Variants in MARVELD3 observed in about 807,000 individuals in gnomAD.
MARVELD3 encodes the protein MARVEL domain containing 3.
In MARVELD3, 28 loss-of-function variants were observed where a neutral mutation model predicts 33.5. That is an observed-to-expected ratio of 0.84 (90% confidence interval 0.62 to 1.15). MARVELD3 has a LOEUF of 1.15. Among genes scored for constraint, MARVELD3 ranks in the 50% most tolerant of loss-of-function variants. The pLI, the probability that MARVELD3 is intolerant of heterozygous loss-of-function variation, is 0.00. For synonymous variants in MARVELD3, 241 were observed against 230.4 expected (o/e 1.05, Z -0.42); for missense variants, 582 against 547.6 (o/e 1.06, Z -0.63).
Position 71,626,961 on chromosome 16 carries a change from G to C in MARVELD3, c.467+265G>C. ...GGCTGGAGGACCTGGAGAAGAGAAA[G>C]AGAGGCCCCGGGACCCGAGAGGGAG... On this transcript the variant is annotated intron_variant, in intron 1 of 2. Transcript: ENST00000268485. This position sits in a 1 kb window ranked among gnomAD's most constrained non-coding sequence, Gnocchi z 5.3. The C allele has an allele frequency of 2.5e-6, 1 of 407,858 alleles. No individual in the cohort carries two copies. Among genetic ancestry groups the C allele is most frequent in the Non-Finnish European group, 4.3e-6 (1 of 234,438 alleles). 25.3% of individuals were successfully genotyped at this position (407,858 alleles called of 1,614,324 possible). A position where few individuals can be genotyped will look rare whatever the true frequency, so the allele number is the denominator to read the frequency against.
downstream of MARVELD3, among the ~76,000 whole-genome samples, chr16:71,637,432 G>GAT (rs1433261118): frequency 2.0e-5 from 3 of 152,206 alleles, no homozygotes; most frequent in Non-Finnish European, 4.4e-5. Flanking sequence ...GAATTAAAAT[G>GAT]ATGTCTGGGT....
downstream of MARVELD3, chr16:71,638,651 T>G (rs1300139747): frequency 6.6e-6 from 1 of 152,190 alleles, no homozygotes. Context: ...TTGCAAGAAG[T>G]CACAAAAACA....
intron 2 of MARVELD3, among the ~76,000 whole-genome samples, chr16:71,633,487 G>A (rs1164776134): frequency 2.6e-5 from 4 of 152,018 alleles, no homozygotes; most frequent in Admixed American, 6.6e-5. Context: ...TCCACCTCTC[G>A]GGTTCAAGTG....
In MARVELD3 at chr16:71,635,236, G is replaced by A. The variant is rs536275489; in HGVS notation, c.*433G>A. 175 of 837,180 alleles carry A rather than the reference G, an allele frequency of 2.1e-4. 1 individual carries two copies. The African/African-American group carries it at 2.9e-3, about 14-fold the overall frequency. 51.9% of individuals were successfully genotyped at this position (837,180 alleles called of 1,614,324 possible). On this transcript the variant is annotated 3_prime_UTR_variant, in exon 3 of 3. Coordinates refer to ENST00000268485, the MANE Select transcript of MARVELD3 (RefSeq NM_052858.6). ...CCCAGCTACTTGGGAGGCTGAGGCA[G>A]GAGAATCGCTTGAATCTGGGAGGCG... is the stretch of plus-strand genomic sequence containing the variant.
In MARVELD3 at chr16:71,626,714, G is replaced by A; in HGVS notation, c.467+18G>A. The A allele has an allele frequency of 1.4e-6, 2 of 1,433,508 alleles. No individual in the cohort carries two copies. 88.8% of individuals were successfully genotyped at this position (1,433,508 alleles called of 1,614,324 possible). A position where few individuals can be genotyped will look rare whatever the true frequency, so the allele number is the denominator to read the frequency against. ...CCCGAAAGGTGAGAGGGGCCGGGGC[G>A]CTGCGACCTCCGCGCCGGGGACACC... On this transcript the variant is annotated intron_variant, in intron 1 of 2. Coordinates refer to ENST00000268485, the MANE Select transcript of MARVELD3 (RefSeq NM_052858.6). The surrounding 1 kb of genome is among the most constrained non-coding windows in gnomAD (Gnocchi z 5.3).
intron 1 of MARVELD3, among the ~76,000 whole-genome samples, chr16:71,628,347 C>T (rs921344808): frequency 1.3e-5 from 2 of 152,140 alleles, no homozygotes; most frequent in Admixed American, 6.5e-5. Flanking sequence ...CCAGCCTGGC[C>T]AACACTGCGA....
At position 71,634,501 on chromosome 16, in the gene MARVELD3, T is replaced by C. The variant is rs749382755; in HGVS notation, c.904T>C (p.Leu302=). 1.9e-6 allele frequency: 3 copies of C among 1,614,216 alleles called. No homozygotes were observed. Among genetic ancestry groups the C allele is most frequent in the Non-Finnish European group, 2.5e-6 (3 of 1,180,028 alleles). Residue 302 remains leucine, a synonymous_variant, in exon 3 of 3, where the codon TTG becomes CTG. Coordinates refer to ENST00000268485, the MANE Select transcript of MARVELD3 (RefSeq NM_052858.6). The part of the protein sequence containing the change: ...VLRVPWHCPL[L]LVTEGLLDML... ...GCGGGTCCCGTGGCATTGTCCACTG[T>C]TGCTGGTGACCGAAGGCTTGTTGGA...
At position 71,629,479 on chromosome 16, in the gene MARVELD3, T is replaced by C. The variant is rs759012996; in HGVS notation, c.580T>C (p.Leu194=). 7.6e-6 allele frequency: 12 copies of C among 1,572,110 alleles called. No homozygotes were observed. The change falls in exon 2 of 3, where the codon TTG becomes CTG. Residue 194 remains leucine, a synonymous_variant. Coordinates refer to ENST00000268485, the MANE Select transcript of MARVELD3 (RefSeq NM_052858.6). ...CCTGGAATGCCACAAATGCAAATAC[T>C]TGTGCACTGGGAGAGGTGAGCCGTT... is the stretch of plus-strand genomic sequence containing the variant. ...GLLECHKCKY[L]CTGRACCQML... is the part of the protein sequence containing the mutation.
chr16:71,634,563 C>CTTCTA lies in MARVELD3; in HGVS notation c.967_971dup (p.Phe325SerfsTer39). Reference sequence around the variant, plus strand: ...CGGGGGGGTACATCCCGGCCTTGTACTTCTACTTCCACTACCTCTCTGCTG... The same window carrying CTTCTA: ...CGGGGGGGTACATCCCGGCCTTGTACTTCTATTCTACTTCCACTACCTCTCTGCTG... On this transcript the variant is annotated frameshift_variant, in exon 3 of 3. Transcript: ENST00000268485. LOFTEE classifies it high-confidence loss of function. The CTTCTA allele has an allele frequency of 6.2e-7, 1 of 1,614,170 alleles. No homozygotes were observed. The highest frequency in any genetic ancestry group is 8.5e-7 in the Non-Finnish European group (1 of 1,180,038).
At chr16:71,634,055 G>A (rs1017966449) in intron 2 of MARVELD3, 138 bp from the exon 3 acceptor site, 5 of 1,369,050 alleles carry the variant, frequency 3.7e-6, no homozygotes, top group Middle Eastern at 2.7e-4. Flanking sequence ...TTTTAATCGC[G>A]CTGCTTTGGC....
downstream of MARVELD3, chr16:71,641,450 T>C (rs1414627530): frequency 1.2e-5 from 2 of 165,188 alleles, no homozygotes; most frequent in Non-Finnish European, 1.3e-5. Context: ...TAGCTGGGCG[T>C]GGTGGCAGGC....
rs1206924077 is a variant in MARVELD3 at position 71,634,199 on chromosome 16, G to T, written c.602G>T (p.Cys201Phe). ...CKYLCTGRAC[C>F]QMLEVLLNLL... ...TAACACCCTTTTTTTGCAGCCTGCT[G>T]CCAAATGCTGGAGGTTCTCCTGAAC... is the stretch of plus-strand genomic sequence containing the variant. The change falls in exon 3 of 3, where the codon TGC becomes TTC. Residue 201 changes from cysteine to phenylalanine, a missense_variant. Transcript: ENST00000268485. 3.1e-6 allele frequency: 5 copies of T among 1,597,080 alleles called. No individual in the cohort carries two copies. Among genetic ancestry groups the T allele is most frequent in the Admixed American group, 3.4e-5 (2 of 58,048 alleles).
chr16:71,640,463 T>C (rs761666744), downstream of MARVELD3: 8 of 1,614,012 alleles, frequency 5.0e-6, no homozygotes, highest in African/African-American at 1.3e-5. Flanking sequence ...ACTTTGTCCT[T>C]GCCGGATTCA....
Position 71,634,920 on chromosome 16 carries a change from C to T in MARVELD3, c.*117C>T, listed in dbSNP as rs1053514890. 18 of 1,475,166 alleles carry T rather than the reference C, an allele frequency of 1.2e-5. 1 individual carries two copies. Among genetic ancestry groups the T allele is most frequent in the Admixed American group, 2.6e-5 (1 of 37,822 alleles). 91.4% of individuals were successfully genotyped at this position (1,475,166 alleles called of 1,614,324 possible). A position where few individuals can be genotyped will look rare whatever the true frequency, so the allele number is the denominator to read the frequency against. The stretch of plus-strand genomic sequence containing the variant: ...CAGTGCTGGAAAAGCAGCGAGCCAG[C>T]GTTGGTGTGGTGGGCGGAGCTCCCA... On this transcript the variant is annotated 3_prime_UTR_variant, in exon 3 of 3. Coordinates refer to ENST00000268485, the MANE Select transcript of MARVELD3 (RefSeq NM_052858.6).
At chr16:71,629,774 T>G (rs1427843893) in intron 2 of MARVELD3, 2 of 437,986 alleles carry the variant, frequency 4.6e-6, no homozygotes. Context: ...CAGGTGGAAG[T>G]GCAGAGGCCT....
In MARVELD3 at chr16:71,636,018, G is replaced by T; in HGVS notation, c.*1215G>T. On this transcript the variant is annotated 3_prime_UTR_variant, in exon 3 of 3. Coordinates refer to ENST00000268485, the MANE Select transcript of MARVELD3 (RefSeq NM_052858.6). Reference sequence around the variant, plus strand: ...AAAGGATGTAAAATCTTTCCCAACAGAAGAGTGTTACTTTTGGTCAGACAA... The same window carrying T: ...AAAGGATGTAAAATCTTTCCCAACATAAGAGTGTTACTTTTGGTCAGACAA... 1.0e-6 allele frequency: 1 copy of T among 985,392 alleles called. No homozygotes were observed. The highest frequency in any genetic ancestry group is 1.2e-6 in the Non-Finnish European group (1 of 829,928). 61.0% of individuals were successfully genotyped at this position (985,392 alleles called of 1,614,324 possible).
chr16:71,640,221 C>T (rs951944376), downstream of MARVELD3, among the ~76,000 whole-genome samples: 3 of 150,364 alleles, frequency 2.0e-5, no homozygotes, highest in African/African-American at 7.4e-5. Context: ...GTGAGCCAAT[C>T]ACACCATTGC....
intron 1 of MARVELD3, among the ~76,000 whole-genome samples, chr16:71,627,297 G>A (rs1394284522): frequency 6.6e-6 from 1 of 152,256 alleles, no homozygotes; most frequent in Non-Finnish European, 1.5e-5. Flanking sequence ...GAGGCCAGGA[G>A]TTCGAGACCA....
intron 2 of MARVELD3, among the ~76,000 whole-genome samples, chr16:71,630,134 C>T (rs1030594418): frequency 1.8e-4 from 27 of 150,752 alleles, no homozygotes; most frequent in Non-Finnish European, 3.7e-4. Flanking sequence ...CGCCTGTAAT[C>T]CCAGCACTCT....
Sources: gnomAD v4.1 joint callset for allele counts (sites outside exome capture counted in the v4.1 genomes callset) on GRCh38, gnomAD v4.1.1 for gene constraint, Gnocchi (gnomAD v3.1) non-coding constraint, MANE v1.5 for transcripts, NCBI Gene and HGNC (gene_info 2026-07-23, HGNC 2026-07-21) for gene names.